Variants in CELF2 observed in about 807,000 individuals in gnomAD.
The protein encoded by CELF2 is CUGBP Elav-like family member 2.
A neutral mutation model predicts 62.6 loss-of-function variants in CELF2; 8 were observed. The ratio of observed to expected loss-of-function variants is 0.13; its 90% confidence interval spans 0.07 to 0.23. The LOEUF is 0.23. Ranked by LOEUF, CELF2 falls within the 10% of genes least tolerant of loss-of-function variation. CELF2 has a pLI of 1.00. For synonymous variants in CELF2, 258 were observed against 250.0 expected (o/e 1.03, Z -0.30); for missense variants, 333 against 671.0 (o/e 0.50, Z 5.56).
the CELF2 span, among the ~76,000 whole-genome samples, chr10:10,526,629 C>T: frequency 6.6e-6 from 1 of 152,204 alleles, no homozygotes. Flanking sequence ...TCAAAGTCCA[C>T]CTCATGCCCA....
chr10:10,900,411 A>G (rs1020474188), intron 1 of CELF2, among the ~76,000 whole-genome samples: 1 of 152,344 alleles, frequency 6.6e-6, no homozygotes, highest in African/African-American at 2.4e-5. Flanking sequence ...TAACATTCAA[A>G]AATCAATTTA....
At chr10:11,036,626 C>T (rs2060992139) in intron 1 of CELF2, among the ~76,000 whole-genome samples, 2 of 152,192 alleles carry the variant, frequency 1.3e-5, no homozygotes, top group African/African-American at 4.8e-5. Context: ...TGGGTTGCCA[C>T]CTGGTGGTGT....
intron 1 of CELF2, among the ~76,000 whole-genome samples, chr10:10,841,841 A>G (rs2058705321): frequency 6.6e-6 from 1 of 152,088 alleles, no homozygotes; most frequent in Admixed American, 6.6e-5. Context: ...ACTTGCTGGG[A>G]TTCTTACTGA....
At chr10:10,615,217 C>A in the CELF2 span, among the ~76,000 whole-genome samples, 5 of 152,224 alleles carry the variant, frequency 3.3e-5, no homozygotes, top group African/African-American at 1.2e-4. Context: ...AAGTCCTGTT[C>A]ATCTTCATTG....
chr10:10,768,683 C>G, the CELF2 span, among the ~76,000 whole-genome samples: 1 of 151,814 alleles, frequency 6.6e-6, no homozygotes, highest in Admixed American at 6.6e-5. Context: ...AAGCGATTCT[C>G]CTGCCTCAGG....
chr10:10,688,513 C>G, the CELF2 span, among the ~76,000 whole-genome samples: 1 of 152,260 alleles, frequency 6.6e-6, no homozygotes, highest in Admixed American at 6.5e-5. Context: ...ACAGAGTAAA[C>G]CAATTGAATA....
the CELF2 span, among the ~76,000 whole-genome samples, chr10:10,764,661 A>C: frequency 6.6e-6 from 1 of 152,192 alleles, no homozygotes; most frequent in African/African-American, 2.4e-5. Context: ...TCAGAATCTT[A>C]ATTTCCCATT....
intron 1 of CELF2, among the ~76,000 whole-genome samples, chr10:11,025,702 G>GT (rs2059089308): frequency 6.6e-6 from 1 of 152,180 alleles, no homozygotes; most frequent in Non-Finnish European, 1.5e-5. Context: ...AATGGTCTTT[G>GT]GTTACAAAAG....
chr10:10,636,736 T>A, the CELF2 span, among the ~76,000 whole-genome samples: 2 of 152,124 alleles, frequency 1.3e-5, no homozygotes, highest in East Asian at 3.9e-4. Context: ...CATCACAGGG[T>A]CAATAATATA....
the CELF2 span, among the ~76,000 whole-genome samples, chr10:10,468,044 A>G: frequency 7.2e-4 from 110 of 152,122 alleles, 1 homozygote; most frequent in East Asian, 0.019. Flanking sequence ...CCTTTAAATA[A>G]TTTTTAGGAT....
chr10:11,283,944 G>C (rs1390308718), intron 8 of CELF2, among the ~76,000 whole-genome samples: 1 of 145,458 alleles, frequency 6.9e-6, no homozygotes, highest in Admixed American at 6.8e-5. Context: ...GTGGTGGGTG[G>C]ATGAGGGATG....
intron 2 of CELF2, among the ~76,000 whole-genome samples, chr10:11,170,675 T>A (rs2068585256): frequency 6.6e-6 from 1 of 151,022 alleles, no homozygotes; most frequent in South Asian, 2.1e-4. Flanking sequence ...GTCCAGGAGG[T>A]GGAGGAGGAG....
chr10:10,663,797 ATT>A, the CELF2 span, among the ~76,000 whole-genome samples: 1 of 152,214 alleles, frequency 6.6e-6, no homozygotes, highest in Non-Finnish European at 1.5e-5. Context: ...ATATTATTAC[ATT>A]TCTAACTCAA....
intron 1 of CELF2, among the ~76,000 whole-genome samples, chr10:10,831,157 T>A (rs2057820064): frequency 1.3e-5 from 2 of 152,220 alleles, no homozygotes; most frequent in South Asian, 4.1e-4. Context: ...CATTCTGAAG[T>A]GAATTGGATT....
chr10:11,017,788 C>A (rs1335112495), upstream of CELF2: 8 of 217,586 alleles, frequency 3.7e-5, no homozygotes, highest in Non-Finnish European at 5.4e-5. The surrounding 1 kb of genome is among the most constrained non-coding windows in gnomAD (Gnocchi z 5.5). Context: ...CCTGTGTCCC[C>A]GCGGGGCGGA....
chr10:10,832,125 G>A (rs1324622908), intron 1 of CELF2, among the ~76,000 whole-genome samples: 4 of 147,984 alleles, frequency 2.7e-5, no homozygotes, highest in South Asian at 2.1e-4. Flanking sequence ...AAAATTAGCC[G>A]GGAGTGGTGG....
intron 1 of CELF2, among the ~76,000 whole-genome samples, chr10:10,820,763 G>GCCACAT (rs1564668061): frequency 6.6e-6 from 1 of 152,170 alleles, no homozygotes; most frequent in Non-Finnish European, 1.5e-5. Context: ...TGAGGGTTAA[G>GCCACAT]CCACATTCAA....
chr10:10,498,491 A>G, the CELF2 span, among the ~76,000 whole-genome samples: 1 of 152,236 alleles, frequency 6.6e-6, no homozygotes, highest in Admixed American at 6.5e-5. Context: ...GGTTAAAAGG[A>G]CAGTAAGAGA....
At chr10:10,857,105 T>C (rs966773529) in intron 1 of CELF2, among the ~76,000 whole-genome samples, 6 of 151,638 alleles carry the variant, frequency 4.0e-5, no homozygotes, top group Admixed American at 6.6e-5. Flanking sequence ...ATGAGTGGAG[T>C]AGACCAAGAT....
Sources: allele counts gnomAD v4.1 joint callset (sites outside exome capture counted in the v4.1 genomes callset), GRCh38; gene constraint gnomAD v4.1.1; non-coding constraint Gnocchi (gnomAD v3.1); transcripts MANE v1.5; gene names NCBI Gene and HGNC (gene_info 2026-07-23, HGNC 2026-07-21).